Variants in GAREM1 observed in about 807,000 individuals in gnomAD.
GAREM1 encodes the protein GRB2-associated and regulator of MAPK protein 1.
Under a neutral mutation model 71.3 loss-of-function variants are expected in GAREM1, and 26 were observed. The ratio of observed to expected loss-of-function variants is 0.36; its 90% CI spans 0.27 to 0.51. The LOEUF (loss-of-function observed/expected upper bound fraction) is 0.51, where lower values mean the gene tolerates loss of function less well. Among genes scored for constraint, GAREM1 ranks in the 20% least tolerant of loss-of-function variants. The pLI is 0.95. For synonymous variants in GAREM1, 440 were observed against 433.2 expected, an observed-to-expected ratio of 1.02 and a Z score of -0.20; for missense variants, 1,026 against 1,103.1, an observed-to-expected ratio of 0.93 and a Z score of 0.99.
intron 2 of GAREM1, among the ~76,000 whole-genome samples, chr18:32,363,987 CATATATACATATATAT>C (rs1178839832): frequency 2.6e-4 from 7 of 27,092 alleles, no homozygotes; most frequent in African/African-American, 4.7e-4. Flanking sequence ...TACATAAATA[CATATATACATATATAT>C]ATATATATAT....
rs577044660 is a variant in GAREM1 at position 32,346,831 on chromosome 18, T to G, written c.263-36508A>C. ...GAATGTTTACAAAGTAGAGTTGAAC[T>G]GCAGGGGAGAACAGGCCTTGCAGAC... is the stretch of plus-strand genomic sequence containing the variant. On this transcript the variant is annotated intron_variant, in intron 2 of 5. Transcript: ENST00000269209. Among the ~76,000 whole-genome samples, 310 of 152,300 alleles carry G rather than the reference T, an allele frequency of 2.0e-3. 1 individual carries two copies. Among genetic ancestry groups the G allele is most frequent in the South Asian group, 4.1e-3 (20 of 4,820 alleles).
chr18:32,430,849 C>T (rs1419580584), intron 1 of GAREM1, among the ~76,000 whole-genome samples: 1 of 152,110 alleles, frequency 6.6e-6, no homozygotes, highest in Non-Finnish European at 1.5e-5. Flanking sequence ...GCCACTTGGC[C>T]CTGTAAATGC....
chr18:32,422,038 T>C (rs2048524010), intron 1 of GAREM1, among the ~76,000 whole-genome samples: 1 of 152,124 alleles, frequency 6.6e-6, no homozygotes, highest in Non-Finnish European at 1.5e-5. Flanking sequence ...GTGCACAACA[T>C]GCAGGTTTGT....
At position 32,421,318 on chromosome 18, in the gene GAREM1, TC is replaced by T. The variant is rs371486102; in HGVS notation, c.122-28284del. Among the ~76,000 whole-genome samples, 76 of 152,292 alleles carry T rather than the reference TC, an allele frequency of 5.0e-4. No individual in the cohort carries two copies. In the East Asian group the frequency reaches 0.011, roughly 23 times the overall value. ...GCTTGGCTAAAATGATTGTCATTGT[TC>T]TAACTCATTGTCCCTCAGGTCCATT... is the stretch of plus-strand genomic sequence containing the variant. On this transcript the variant is annotated intron_variant, in intron 1 of 5. Coordinates refer to ENST00000269209, the MANE Select transcript of GAREM1 (RefSeq NM_001242409.2).
Position 32,394,567 on chromosome 18 carries a change from C to T in GAREM1, c.122-1532G>A, listed in dbSNP as rs563662537. ...GCAGAAGGGGGAGAATCCAATTCAT[C>T]GGGGGGATTTTTCAAACCAGACTAT... On this transcript the variant is annotated intron_variant, in intron 1 of 5. Transcript: ENST00000269209. Among the ~76,000 whole-genome samples the T allele has an allele frequency of 3.1e-3, 477 of 152,112 alleles. 4 individuals are homozygous for T. The highest frequency in any genetic ancestry group is 0.011 in the African/African-American group (453 of 41,476).
chr18:32,392,492 A>G (rs2048212878), intron 2 of GAREM1, among the ~76,000 whole-genome samples: 1 of 152,186 alleles, frequency 6.6e-6, no homozygotes, highest in African/African-American at 2.4e-5. Flanking sequence ...TTAAACCCAG[A>G]CCACAATGTT....
At chr18:32,356,880 T>G (rs2047811545) in intron 2 of GAREM1, among the ~76,000 whole-genome samples, 1 of 152,196 alleles carries the variant, frequency 6.6e-6, no homozygotes, top group African/African-American at 2.4e-5. Flanking sequence ...TTCTGCTGTT[T>G]AACCGCCACC....
At chr18:32,409,551 A>G (rs543102763) in intron 1 of GAREM1, among the ~76,000 whole-genome samples, 107 of 152,322 alleles carry the variant, frequency 7.0e-4, no homozygotes, top group African/African-American at 2.6e-3. Flanking sequence ...ATCTAAGCAA[A>G]AAGGAATGCA....
rs2049046400 is a variant in GAREM1, at chr18:32,470,699, G to A, written c.-271C>T. Reference sequence around the variant, plus strand: ...TCAGAGCAGCCGCGCGGCTGCGGGCGGCGGCGGCGGCCCGGGTGGCTGCGG... The same window carrying A: ...TCAGAGCAGCCGCGCGGCTGCGGGCAGCGGCGGCGGCCCGGGTGGCTGCGG... On this transcript the variant is annotated 5_prime_UTR_variant, in exon 1 of 6. Coordinates refer to ENST00000269209, the MANE Select transcript of GAREM1 (RefSeq NM_001242409.2). This position sits in a 1 kb window ranked among gnomAD's most constrained non-coding sequence, Gnocchi z 4.4. Among the ~76,000 whole-genome samples the A allele has an allele frequency of 6.7e-6, 1 of 149,684 alleles. No individual in the cohort carries two copies. The highest frequency in any genetic ancestry group is 1.5e-5 in the Non-Finnish European group (1 of 67,186).
At chr18:32,280,816 A>T (rs2046943909) in intron 4 of GAREM1, among the ~76,000 whole-genome samples, 1 of 151,942 alleles carries the variant, frequency 6.6e-6, no homozygotes, top group Non-Finnish European at 1.5e-5. Flanking sequence ...AGGCTGACTG[A>T]CCCCCGTGGT....
intron 2 of GAREM1, among the ~76,000 whole-genome samples, chr18:32,319,453 T>C (rs1465841558): frequency 3.9e-5 from 6 of 152,352 alleles, no homozygotes; most frequent in Non-Finnish European, 8.8e-5. Flanking sequence ...TCATTTTGTA[T>C]GGCACCAACC....
intron 2 of GAREM1, among the ~76,000 whole-genome samples, chr18:32,352,030 A>G (rs2047758339): frequency 1.3e-5 from 2 of 152,192 alleles, no homozygotes; most frequent in African/African-American, 4.8e-5. Context: ...TTTTAGAGCC[A>G]AAAATTCTCA....
At chr18:32,371,433 G>T (rs1456116220) in intron 2 of GAREM1, among the ~76,000 whole-genome samples, 2 of 152,216 alleles carry the variant, frequency 1.3e-5, no homozygotes, top group African/African-American at 4.8e-5. Context: ...AAAATGAAAA[G>T]AGTTTGTATT....
intron 1 of GAREM1, among the ~76,000 whole-genome samples, chr18:32,433,495 G>T (rs2048644183): frequency 6.6e-6 from 1 of 150,866 alleles, no homozygotes; most frequent in South Asian, 2.1e-4. Flanking sequence ...ATATAGAAAG[G>T]AAATCTATAT....
chr18:32,318,566 T>G (rs1016046645), intron 2 of GAREM1, among the ~76,000 whole-genome samples: 2 of 152,094 alleles, frequency 1.3e-5, no homozygotes, highest in Non-Finnish European at 2.9e-5. Context: ...GTCTGTCCAG[T>G]TTGCTTCTGG....
chr18:32,355,797 A>C (rs545987186), intron 2 of GAREM1, among the ~76,000 whole-genome samples: 2 of 152,340 alleles, frequency 1.3e-5, no homozygotes, highest in African/African-American at 2.4e-5. Context: ...AAAGGTTATA[A>C]GCCCACCAAA....
At chr18:32,382,499 C>T (rs762858941) in intron 2 of GAREM1, among the ~76,000 whole-genome samples, 30 of 152,118 alleles carry the variant, frequency 2.0e-4, no homozygotes, top group East Asian at 1.9e-4. Context: ...CCTGGTGTGG[C>T]GAGTGCCTGC....
chr18:32,273,298 T>C (rs957557110), intron 4 of GAREM1, among the ~76,000 whole-genome samples: 1 of 152,222 alleles, frequency 6.6e-6, no homozygotes, highest in South Asian at 2.1e-4. Flanking sequence ...ACCTGGGATG[T>C]CAATTATAAT....
chr18:32,427,239 G>A (rs1435942092), intron 1 of GAREM1, among the ~76,000 whole-genome samples: 4 of 152,052 alleles, frequency 2.6e-5, no homozygotes, highest in African/African-American at 9.7e-5. Flanking sequence ...AAACACCTAC[G>A]TCATTAAGTG....
Sources: gnomAD v4.1 joint callset for allele counts (sites outside exome capture counted in the v4.1 genomes callset) on GRCh38, gnomAD v4.1.1 for gene constraint, Gnocchi (gnomAD v3.1) non-coding constraint, MANE v1.5 for transcripts, NCBI Gene and HGNC (gene_info 2026-07-23, HGNC 2026-07-21) for gene names.